UBE2E2: variants seen among roughly 807,000 people sequenced by gnomAD.
The protein encoded by UBE2E2 is ubiquitin-conjugating enzyme E2 E2.
Under a neutral mutation model 24.7 loss-of-function variants are expected in UBE2E2, and 6 were observed. The ratio of observed to expected loss-of-function variants is 0.24; its 90% CI spans 0.13 to 0.48. The LOEUF (loss-of-function observed/expected upper bound fraction) is 0.48, where lower values mean the gene tolerates loss of function less well. Among genes scored for constraint, UBE2E2 ranks in the 20% least tolerant of loss-of-function variants. The pLI is 0.99. For missense variants in UBE2E2, 169 were observed against 245.0 expected, an observed-to-expected ratio of 0.69 and a Z score of 2.07; for synonymous variants, 104 against 83.6, an observed-to-expected ratio of 1.24 and a Z score of -1.33.
At chr3:23,283,470 C>T (rs7638278) in intron 3 of UBE2E2, among the ~76,000 whole-genome samples, 51,183 of 151,960 alleles carry the variant, frequency 0.34, 8,837 homozygotes, top group South Asian at 0.4. Context: ...CACAGTGGTT[C>T]ACGCCTGTAA....
At position 23,448,969 on chromosome 3, in the gene UBE2E2, TTTTTCAATGGC is replaced by T. The variant is rs1239265896; in HGVS notation, c.228-50634_228-50624del. 6.6e-5 allele frequency among the ~76,000 whole-genome samples: 10 copies of T among 152,266 alleles called. 2 individuals are homozygous for T. Among genetic ancestry groups the T allele is most frequent in the Admixed American group, 1.3e-4 (2 of 15,312 alleles). On this transcript the variant is annotated intron_variant, in intron 3 of 5. Coordinates refer to ENST00000396703, the MANE Select transcript of UBE2E2 (RefSeq NM_152653.4). ...TTCACCACAAACTTATATTTTCTGG[TTTTTCAATGGC>T]TTTTAGAAATGTAATATCCATCATC... is the stretch of plus-strand genomic sequence containing the variant.
intron 5 of UBE2E2, among the ~76,000 whole-genome samples, chr3:23,539,179 T>C (rs1695331878): frequency 6.6e-6 from 1 of 152,172 alleles, no homozygotes; most frequent in African/African-American, 2.4e-5. Context: ...CCCATGGTAT[T>C]TCTGCTTTGT....
chr3:23,482,422 G>C (rs905739931), intron 3 of UBE2E2, among the ~76,000 whole-genome samples: 1 of 151,934 alleles, frequency 6.6e-6, no homozygotes, highest in Non-Finnish European at 1.5e-5. Context: ...TTAAAAACTT[G>C]TTTCCAGCTG....
At chr3:23,273,580 C>G (rs1698307955) in intron 3 of UBE2E2, among the ~76,000 whole-genome samples, 1 of 151,134 alleles carries the variant, frequency 6.6e-6, no homozygotes. Flanking sequence ...CCTTGAATGA[C>G]ATTGTTATAA....
At chr3:23,448,839 T>C (rs1575637266) in intron 3 of UBE2E2, among the ~76,000 whole-genome samples, 1 of 152,178 alleles carries the variant, frequency 6.6e-6, no homozygotes, top group African/African-American at 2.4e-5. Flanking sequence ...ATTAGGAGAT[T>C]AAGTCAGGCA....
chr3:23,479,663 G>A (rs1380402431), intron 3 of UBE2E2, among the ~76,000 whole-genome samples: 1 of 152,164 alleles, frequency 6.6e-6, no homozygotes, highest in Non-Finnish European at 1.5e-5. Flanking sequence ...GGGTGAGCAA[G>A]GTGGAAAGGA....
intron 5 of UBE2E2, among the ~76,000 whole-genome samples, chr3:23,577,509 A>G (rs563416069): frequency 6.6e-6 from 1 of 152,312 alleles, no homozygotes; most frequent in African/African-American, 2.4e-5. Context: ...GTTGGAAGCT[A>G]GCAGAGGTAG....
chr3:23,540,127 C>T (rs754272311), intron 5 of UBE2E2, among the ~76,000 whole-genome samples: 2 of 151,346 alleles, frequency 1.3e-5, no homozygotes, highest in Non-Finnish European at 2.9e-5. Context: ...GCAGTGGTGT[C>T]GTCATAGCTC....
intron 5 of UBE2E2, among the ~76,000 whole-genome samples, chr3:23,558,637 G>A (rs768750415): frequency 5.3e-5 from 8 of 152,162 alleles, no homozygotes; most frequent in Non-Finnish European, 1.2e-4. Context: ...AGATTGGGAG[G>A]CATGACATAT....
chr3:23,535,133 T>C (rs1271681671), intron 5 of UBE2E2, among the ~76,000 whole-genome samples: 2 of 152,226 alleles, frequency 1.3e-5, no homozygotes, highest in Non-Finnish European at 2.9e-5. Context: ...ATTAGTCATA[T>C]CACATTGGAT....
At chr3:23,480,974 G>A (rs1423273152) in intron 3 of UBE2E2, among the ~76,000 whole-genome samples, 3 of 152,130 alleles carry the variant, frequency 2.0e-5, no homozygotes, top group African/African-American at 4.8e-5. Context: ...AAGATTTATT[G>A]TTTCCAATGA....
At chr3:23,466,216 C>G (rs1698915533) in intron 3 of UBE2E2, among the ~76,000 whole-genome samples, 1 of 152,144 alleles carries the variant, frequency 6.6e-6, no homozygotes, top group African/African-American at 2.4e-5. Context: ...TGAGGTTAAA[C>G]TAGGTATTTT....
intron 5 of UBE2E2, among the ~76,000 whole-genome samples, chr3:23,584,206 G>C (rs115438235): frequency 0.015 from 2,264 of 152,292 alleles, 63 homozygotes; most frequent in African/African-American, 0.051. Context: ...TTTATGCAAT[G>C]AATCACATTT....
chr3:23,572,710 T>C (rs1029218691), intron 5 of UBE2E2, among the ~76,000 whole-genome samples: 1 of 152,226 alleles, frequency 6.6e-6, no homozygotes, highest in African/African-American at 2.4e-5. Context: ...GCAAAGGATA[T>C]GATTTTGCTC....
At chr3:23,462,436 T>C (rs1201694942) in intron 3 of UBE2E2, among the ~76,000 whole-genome samples, 1 of 152,186 alleles carries the variant, frequency 6.6e-6, no homozygotes, top group Non-Finnish European at 1.5e-5. Context: ...TTGATAGTGT[T>C]CATCAGTCTT....
chr3:23,489,475 G>A (rs1330073314), intron 3 of UBE2E2, among the ~76,000 whole-genome samples: 1 of 152,122 alleles, frequency 6.6e-6, no homozygotes, highest in African/African-American at 2.4e-5. Flanking sequence ...TGTGACAGAA[G>A]AGGACATTAG....
At chr3:23,543,563 AT>A (rs1433525440) in intron 5 of UBE2E2, among the ~76,000 whole-genome samples, 75 of 151,952 alleles carry the variant, frequency 4.9e-4, no homozygotes, top group African/African-American at 1.7e-3. Context: ...AAAAAAAATA[AT>A]AATAGATGAC....
rs138583439 is a variant in UBE2E2, at chr3:23,566,467, A to G, written c.509-23267A>G. 7.3e-3 allele frequency among the ~76,000 whole-genome samples: 1,105 copies of G among 152,284 alleles called. 22 individuals carry two copies. The highest frequency in any genetic ancestry group is 0.026 in the African/African-American group (1,063 of 41,570). ...TCCAGACATGTGTTAGTCCATTTGC[A>G]TTGCTATAAAGGAATAACTGAGGCT... On this transcript the variant is annotated intron_variant, in intron 5 of 5. Coordinates refer to ENST00000396703, the MANE Select transcript of UBE2E2 (RefSeq NM_152653.4).
At chr3:23,410,443 G>A (rs1031509615) in intron 3 of UBE2E2, among the ~76,000 whole-genome samples, 1 of 152,146 alleles carries the variant, frequency 6.6e-6, no homozygotes, top group Admixed American at 6.5e-5. Context: ...TAGAGTGAGA[G>A]AGAACTTAGC....
Sources: gnomAD v4.1 joint callset for allele counts (sites outside exome capture counted in the v4.1 genomes callset) on GRCh38, gnomAD v4.1.1 for gene constraint, MANE v1.5 for transcripts, NCBI Gene and HGNC (gene_info 2026-07-23, HGNC 2026-07-21) for gene names.